DLGAP2: variants seen among roughly 807,000 people sequenced by gnomAD.
The protein encoded by DLGAP2 is DLG associated protein 2.
Under a neutral mutation model 100.3 loss-of-function variants are expected in DLGAP2, and 26 were observed. The observed-to-expected ratio is 0.26, with a 90% confidence interval of 0.19 to 0.36. The LOEUF is 0.36. DLGAP2 is among the 10% of genes least tolerant of loss of function. The pLI is 1.00. For missense variants in DLGAP2, 1,858 were observed against 1,453.2 expected (o/e 1.28, Z -4.53); for synonymous variants, 886 against 630.1 (o/e 1.41, Z -6.08).
rs537051267 is a variant in DLGAP2 at position 1,261,596 on chromosome 8, C to T, written c.106+2713C>T. 2.0e-5 allele frequency among the ~76,000 whole-genome samples: 3 copies of T among 152,218 alleles called. No homozygotes were observed. In the South Asian group the frequency reaches 6.2e-4, roughly 32 times the overall value. On this transcript the variant is annotated intron_variant, in intron 3 of 14. Transcript: ENST00000637795. ...GCTGGGCAGTGGGGGGTGGGGCTCC[C>T]TGCTCTGGCCTGCCCCTCCTCACTG...
intron 2 of DLGAP2, among the ~76,000 whole-genome samples, chr8:1,105,289 C>G (rs1804719869): frequency 6.6e-6 from 1 of 152,226 alleles, no homozygotes; most frequent in Admixed American, 6.5e-5. Context: ...AGTGAAGACT[C>G]TACCACAGTT....
intron 2 of DLGAP2, among the ~76,000 whole-genome samples, chr8:1,095,738 C>T (rs6559216): frequency 6.6e-6 from 1 of 152,300 alleles, no homozygotes; most frequent in East Asian, 1.9e-4. Flanking sequence ...TGAGGCTCTA[C>T]TCTTAAATGT....
At chr8:859,712 C>G (rs1376965647) in intron 1 of DLGAP2, among the ~76,000 whole-genome samples, 3 of 152,214 alleles carry the variant, frequency 2.0e-5, no homozygotes, top group South Asian at 2.1e-4. Context: ...TGTTAGAATT[C>G]TGGATTTGCT....
At chr8:1,444,238 A>G (rs534389078) in intron 3 of DLGAP2, among the ~76,000 whole-genome samples, 2 of 152,326 alleles carry the variant, frequency 1.3e-5, no homozygotes, top group African/African-American at 4.8e-5. Context: ...GGCATGAGTC[A>G]CTGCACCCGT....
chr8:1,671,596 A>G (rs1389227598), intron 10 of DLGAP2, among the ~76,000 whole-genome samples: 1 of 152,106 alleles, frequency 6.6e-6, no homozygotes, highest in Admixed American at 6.5e-5. Context: ...ACCTTTTACT[A>G]TCAGGGTTTG....
At chr8:1,324,771 T>C (rs1191283631) in intron 3 of DLGAP2, among the ~76,000 whole-genome samples, 1 of 152,230 alleles carries the variant, frequency 6.6e-6, no homozygotes, top group Non-Finnish European at 1.5e-5. Flanking sequence ...TTCCTGTCTT[T>C]CTTCCTAAAA....
chr8:1,656,501 A>G (rs181296676), intron 8 of DLGAP2, among the ~76,000 whole-genome samples: 23 of 152,248 alleles, frequency 1.5e-4, no homozygotes, highest in African/African-American at 4.1e-4. Flanking sequence ...CAATTGTGCC[A>G]TCTCCCCTTC....
At chr8:1,228,522 C>T (rs1252631578) in intron 2 of DLGAP2, among the ~76,000 whole-genome samples, 1 of 152,140 alleles carries the variant, frequency 6.6e-6, no homozygotes, top group Non-Finnish European at 1.5e-5. Flanking sequence ...CAAACCAGTG[C>T]CTCTTATGAA....
At chr8:1,190,970 G>C (rs1251135122) in intron 2 of DLGAP2, among the ~76,000 whole-genome samples, 1 of 152,158 alleles carries the variant, frequency 6.6e-6, no homozygotes, top group African/African-American at 2.4e-5. Flanking sequence ...AGCGAGGGGG[G>C]TGGGTGAGGC....
chr8:1,117,099 C>T (rs1206147837), intron 2 of DLGAP2, among the ~76,000 whole-genome samples: 1 of 152,114 alleles, frequency 6.6e-6, no homozygotes, highest in Non-Finnish European at 1.5e-5. Flanking sequence ...AATTTCATCT[C>T]CTTGGGACCC....
intron 1 of DLGAP2, among the ~76,000 whole-genome samples, chr8:840,736 C>T (rs529580680): frequency 6.0e-5 from 9 of 148,856 alleles, no homozygotes; most frequent in African/African-American, 1.7e-4. Context: ...ACACGGTGCA[C>T]GCCTGCACGT....
intron 1 of DLGAP2, among the ~76,000 whole-genome samples, chr8:902,100 C>T (rs1280581591): frequency 6.6e-6 from 1 of 152,310 alleles, no homozygotes; most frequent in African/African-American, 2.4e-5. Context: ...AGGAATGTTG[C>T]GCCAGAAGCA....
chr8:1,683,966 A>G lies in DLGAP2; in HGVS notation c.2704+5337A>G, dbSNP rs1443151890. Among the ~76,000 whole-genome samples, 260 of 121,954 alleles carry G rather than the reference A, an allele frequency of 2.1e-3. 4 individuals are homozygous for G. Among genetic ancestry groups the G allele is most frequent in the Non-Finnish European group, 3.1e-3 (180 of 58,816 alleles). 80.0% of individuals were successfully genotyped at this position (121,954 alleles called of 152,430 possible). A position where few individuals can be genotyped will look rare whatever the true frequency, so the allele number is the denominator to read the frequency against. ...TATATATATGTGTGTATATATATAT[A>G]TATATATATATATATATATATACTT... On this transcript the variant is annotated intron_variant, in intron 12 of 14. Coordinates refer to ENST00000637795, the MANE Select transcript of DLGAP2 (RefSeq NM_001346810.2).
intron 2 of DLGAP2, among the ~76,000 whole-genome samples, chr8:1,033,117 C>T (rs78616933): frequency 6.6e-6 from 1 of 152,142 alleles, no homozygotes; most frequent in Non-Finnish European, 1.5e-5. Flanking sequence ...CTTCCTCTCC[C>T]TCCCCCCATC....
chr8:1,186,210 G>A (rs1447906379), intron 2 of DLGAP2, among the ~76,000 whole-genome samples: 1 of 152,260 alleles, frequency 6.6e-6, no homozygotes, highest in African/African-American at 2.4e-5. Flanking sequence ...CGAGGGCAGC[G>A]CTGCAGTCTG....
chr8:1,318,726 A>G (rs1278825433), intron 3 of DLGAP2, among the ~76,000 whole-genome samples: 1 of 151,360 alleles, frequency 6.6e-6, no homozygotes, highest in Non-Finnish European at 1.5e-5. Context: ...TCCTATTCGT[A>G]CTTAATATAT....
chr8:906,539 G>T (rs368685123), intron 1 of DLGAP2, among the ~76,000 whole-genome samples: 6 of 152,206 alleles, frequency 3.9e-5, no homozygotes, highest in African/African-American at 1.4e-4. Flanking sequence ...AGTTGAGTGT[G>T]TGTGTGTGTT....
At chr8:1,267,337 C>G (rs181941594) in intron 3 of DLGAP2, among the ~76,000 whole-genome samples, 1 of 150,976 alleles carries the variant, frequency 6.6e-6, no homozygotes, top group Non-Finnish European at 1.5e-5. Context: ...GAGGCCGAGG[C>G]GGTGGATCAC....
In DLGAP2 at chr8:1,257,061, G is replaced by A. The variant is rs567792056; in HGVS notation, c.74-1790G>A. 3.8e-3 allele frequency among the ~76,000 whole-genome samples: 573 copies of A among 151,820 alleles called. 3 individuals carry two copies. Among genetic ancestry groups the A allele is most frequent in the African/African-American group, 0.012 (508 of 41,466 alleles). On this transcript the variant is annotated intron_variant, in intron 2 of 14. Transcript: ENST00000637795. ...CGTCTTCTCTCCCGTCCCCTCCACC[G>A]GCGCCCGTGAAGGCAGGTGCAGTCA... is the stretch of plus-strand genomic sequence containing the variant.
Sources: allele counts gnomAD v4.1 joint callset (sites outside exome capture counted in the v4.1 genomes callset), GRCh38; gene constraint gnomAD v4.1.1; transcripts MANE v1.5; gene names NCBI Gene and HGNC (gene_info 2026-07-23, HGNC 2026-07-21).